The following TPP2 variants were observed in gnomAD, a reference collection of about 807,000 sequenced individuals.
The protein encoded by TPP2 is tripeptidyl peptidase 2, also known as tripeptidyl-peptidase 2.
Under a neutral mutation model 155.9 loss-of-function variants are expected in TPP2, and 34 were observed. That is an observed-to-expected ratio of 0.22 (90% CI 0.17 to 0.29). TPP2 has a LOEUF of 0.29. TPP2 is among the 10% of genes least tolerant of loss of function. The probability of loss-of-function intolerance (pLI) is 1.00; values close to 1 mark genes in which losing one functional copy is unlikely to be tolerated. For missense variants in TPP2, 1,028 were observed against 1,522.3 expected (o/e 0.68, Z 5.40); for synonymous variants, 510 against 529.4 (o/e 0.96, Z 0.50).
chr13:102,612,587 C>T (rs1005592492), intron 2 of TPP2, among the ~76,000 whole-genome samples: 3 of 152,086 alleles, frequency 2.0e-5, no homozygotes, highest in Non-Finnish European at 4.4e-5. Context: ...ATAAAGTTAG[C>T]TTTACTCTAA....
At position 102,604,240 on chromosome 13, in the gene TPP2, C is replaced by T. The variant is rs544534418; in HGVS notation, c.166-553C>T. On this transcript the variant is annotated intron_variant, in intron 1 of 29. Coordinates refer to ENST00000376052, the MANE Select transcript of TPP2 (RefSeq NM_001330588.2). Reference sequence around the variant, plus strand: ...CCCTAAAGCTCTAAACTTGTCCAGCCCACAGCTCACCATCTTTAGATCTTT... The same window carrying T: ...CCCTAAAGCTCTAAACTTGTCCAGCTCACAGCTCACCATCTTTAGATCTTT... Among the ~76,000 whole-genome samples the T allele has an allele frequency of 5.9e-5, 9 of 151,784 alleles. No homozygotes were observed. In the East Asian group the frequency reaches 1.5e-3, roughly 26 times the overall value.
chr13:102,658,832 C>T (rs1298101054), intron 25 of TPP2, among the ~76,000 whole-genome samples: 2 of 152,188 alleles, frequency 1.3e-5, no homozygotes, highest in Non-Finnish European at 2.9e-5. Flanking sequence ...CTGCCAGTTG[C>T]AGCGGCTCAG....
intron 2 of TPP2, chr13:102,607,845 C>T (rs1354420840): frequency 4.0e-6 from 1 of 252,442 alleles, no homozygotes; most frequent in African/African-American, 2.3e-5. Flanking sequence ...CCCACCTCGA[C>T]CTCCCAAAGT....
intron 17 of TPP2, 59 bp from the exon 18 acceptor site, chr13:102,644,498 T>C (rs753933728): frequency 1.8e-5 from 25 of 1,404,282 alleles, no homozygotes; most frequent in East Asian, 4.9e-5. Flanking sequence ...CTAGTATTTA[T>C]ATTCTGTAAT....
At chr13:102,630,389 A>G (rs561751822) in intron 10 of TPP2, among the ~76,000 whole-genome samples, 194 bp downstream of exon 10, 2 of 152,292 alleles carry the variant, frequency 1.3e-5, no homozygotes, top group South Asian at 4.1e-4. Context: ...TCATTGTTAC[A>G]TGGAGAACAT....
intron 1 of TPP2, among the ~76,000 whole-genome samples, chr13:102,604,271 A>T (rs1468009542): frequency 6.6e-6 from 1 of 152,152 alleles, no homozygotes; most frequent in East Asian, 1.9e-4. Flanking sequence ...TCTTTTCTCA[A>T]ATGTTACCAT....
chr13:102,635,248 C>T (rs1595169956), intron 11 of TPP2, among the ~76,000 whole-genome samples: 1 of 152,208 alleles, frequency 6.6e-6, no homozygotes, highest in Admixed American at 6.5e-5. Flanking sequence ...CCACAGCCAA[C>T]AGCCATCTTG....
Position 102,640,394 on chromosome 13 carries a change from C to T in TPP2, c.2020+18C>T. The T allele has an allele frequency of 1.9e-6, 3 of 1,576,002 alleles. No individual in the cohort carries two copies. The highest frequency in any genetic ancestry group is 2.6e-6 in the Non-Finnish European group (3 of 1,146,220). On this transcript the variant is annotated intron_variant, in intron 16 of 29. Coordinates refer to ENST00000376052, the MANE Select transcript of TPP2 (RefSeq NM_001330588.2). ...ATGGGCTGGTAGGTAAAATTAAAAT[C>T]TGTGTGACCGCTTATCTCTGTTTAC... is the stretch of plus-strand genomic sequence containing the variant.
Position 102,627,002 on chromosome 13 carries a change from G to A in TPP2, c.785-10G>A. 2 of 1,518,846 alleles carry A rather than the reference G, an allele frequency of 1.3e-6. No homozygotes were observed. Among genetic ancestry groups the A allele is most frequent in the Non-Finnish European group, 1.8e-6 (2 of 1,135,146 alleles). 94.1% of individuals were successfully genotyped at this position (1,518,846 alleles called of 1,614,324 possible). On this transcript the variant is annotated splice_polypyrimidine_tract_variant and intron_variant, in intron 6 of 29. Coordinates refer to ENST00000376052, the MANE Select transcript of TPP2 (RefSeq NM_001330588.2). ...AATGTTTTGTCATTTCCCCACCTTT[G>A]TGTCTCTAGGAGCTCATGGGACACA...
At chr13:102,605,912 C>T (rs1879792458) in intron 2 of TPP2, among the ~76,000 whole-genome samples, 1 of 151,954 alleles carries the variant, frequency 6.6e-6, no homozygotes. Flanking sequence ...TTAGTAGAGA[C>T]AGGGTTTCAC....
At chr13:102,636,427 A>G in intron 13 of TPP2, 35 bp downstream of exon 13, 1 of 1,585,964 alleles carries the variant, frequency 6.3e-7, no homozygotes, top group South Asian at 1.2e-5. Context: ...TGACGTATTC[A>G]CATTTGCTGT....
intron 2 of TPP2, among the ~76,000 whole-genome samples, chr13:102,607,249 T>G (rs569579752): frequency 6.6e-6 from 1 of 152,292 alleles, no homozygotes; most frequent in Admixed American, 6.5e-5. Context: ...CCAGAAGTGT[T>G]TTAGGTTTCA....
intron 23 of TPP2, among the ~76,000 whole-genome samples, chr13:102,649,759 C>T (rs1005563540): frequency 6.6e-6 from 1 of 151,686 alleles, no homozygotes; most frequent in Admixed American, 6.6e-5. Flanking sequence ...GGCTAATACA[C>T]TTGAACTTCC....
rs141172767 is a variant in TPP2, at chr13:102,640,330, A to G, written c.1974A>G (p.Gln658=). 58 of 1,613,598 alleles carry G rather than the reference A, an allele frequency of 3.6e-5. No individual in the cohort carries two copies. The highest frequency in any genetic ancestry group is 4.2e-5 in the Non-Finnish European group (49 of 1,179,768). The change falls in exon 16 of 30, where the codon CAA becomes CAG. Residue 658 remains glutamine, a synonymous_variant. Coordinates refer to ENST00000376052, the MANE Select transcript of TPP2 (RefSeq NM_001330588.2). ...CAGATGTACACTTTAAACCTGGTCA[A>G]ATTCGAAGGCATTTTATTGAGGTTC... The part of the protein sequence containing the change: ...AFTDVHFKPG[Q]IRRHFIEVPE...
At chr13:102,616,340 A>AGG (rs1880723768) in intron 3 of TPP2, 56 bp from the exon 4 acceptor site, 1 of 1,384,894 alleles carries the variant, frequency 7.2e-7, no homozygotes, top group African/African-American at 1.4e-5. Flanking sequence ...ATGCCTGTCT[A>AGG]GGTTTACCTG....
At chr13:102,677,232 C>T (rs564928562) in intron 29 of TPP2, among the ~76,000 whole-genome samples, 1 of 152,292 alleles carries the variant, frequency 6.6e-6, no homozygotes, top group South Asian at 2.1e-4. Flanking sequence ...AGAACTCTTT[C>T]TGGAGCCAGG....
intron 18 of TPP2, 48 bp from the exon 19 acceptor site, chr13:102,644,861 C>G (rs1490148810): frequency 6.3e-7 from 1 of 1,590,268 alleles, no homozygotes; most frequent in African/African-American, 1.3e-5. Context: ...CAAAATATTG[C>G]TTATTTTTAG....
Position 102,602,456 on chromosome 13 carries a change from G to A in TPP2, c.166-2337G>A, listed in dbSNP as rs150031148. Among the ~76,000 whole-genome samples the A allele has an allele frequency of 2.7e-3, 411 of 152,094 alleles. 3 individuals are homozygous for A. Among genetic ancestry groups the A allele is most frequent in the Middle Eastern group, 6.8e-3 (2 of 294 alleles). ...ACTATTATAGGACAGTTCCCAAGAA[G>A]TAAACATCCAACTTGAGAATTACCA... On this transcript the variant is annotated intron_variant, in intron 1 of 29. Coordinates refer to ENST00000376052, the MANE Select transcript of TPP2 (RefSeq NM_001330588.2).
rs1219655427 is a variant in TPP2 at position 102,679,059 on chromosome 13, A to C, written c.*743A>C. 6.6e-6 allele frequency: 1 copy of C among 152,620 alleles called. No individual in the cohort carries two copies. Among genetic ancestry groups the C allele is most frequent in the African/African-American group, 2.4e-5 (1 of 41,436 alleles). The allele number at this position is 152,620 out of a possible 1,614,324, so 9.5% of individuals were successfully genotyped here. A position where few individuals can be genotyped will look rare whatever the true frequency, so the allele number is the denominator to read the frequency against. Reference sequence around the variant, plus strand: ...CATATGATATGTTTATTAAAATTGAAATAATGTAAAACACATGAATAAATT... The same window carrying C: ...CATATGATATGTTTATTAAAATTGACATAATGTAAAACACATGAATAAATT... On this transcript the variant is annotated 3_prime_UTR_variant, in exon 30 of 30. Coordinates refer to ENST00000376052, the MANE Select transcript of TPP2 (RefSeq NM_001330588.2).
Sources: gnomAD v4.1 joint callset for allele counts (sites outside exome capture counted in the v4.1 genomes callset) on GRCh38, gnomAD v4.1.1 for gene constraint, MANE v1.5 for transcripts, NCBI Gene and HGNC (gene_info 2026-07-23, HGNC 2026-07-21) for gene names.